The following RAMP1 variants were observed in gnomAD, a reference collection of about 807,000 sequenced individuals.
RAMP1 encodes the protein receptor activity-modifying protein 1.
Under a neutral mutation model 8.2 loss-of-function variants are expected in RAMP1, and 7 were observed. The ratio of observed to expected loss-of-function variants is 0.85; its 90% CI spans 0.49 to 1.60. The LOEUF is 1.60. Ranked by LOEUF, RAMP1 falls within the 40% of genes most tolerant of loss-of-function variation. The probability of loss-of-function intolerance (pLI) is 0.00; values close to 1 mark genes in which losing one functional copy is unlikely to be tolerated. For missense variants in RAMP1, 192 were observed against 202.4 expected (o/e 0.95, Z 0.31); for synonymous variants, 92 against 84.7 (o/e 1.09, Z -0.47).
At chr2:237,906,104 CATTT>C (rs1363748704) in intron 2 of RAMP1, among the ~76,000 whole-genome samples, 1 of 151,454 alleles carries the variant, frequency 6.6e-6, no homozygotes, top group Non-Finnish European at 1.5e-5. Flanking sequence ...ACACGTCTAA[CATTT>C]ACCATGGACC....
At chr2:237,882,155 C>T (rs1576543520) in intron 2 of RAMP1, among the ~76,000 whole-genome samples, 1 of 152,310 alleles carries the variant, frequency 6.6e-6, no homozygotes, top group African/African-American at 2.4e-5. Context: ...TCTCTGCTCC[C>T]CGTGACCTGA....
At chr2:237,893,661 G>A (rs762140057) in intron 2 of RAMP1, among the ~76,000 whole-genome samples, 2 of 152,250 alleles carry the variant, frequency 1.3e-5, no homozygotes, top group East Asian at 1.9e-4. Flanking sequence ...AGTTTCGGCC[G>A]GGTATGGTGG....
At chr2:237,864,939 C>A (rs2062171830) in intron 1 of RAMP1, among the ~76,000 whole-genome samples, 1 of 152,210 alleles carries the variant, frequency 6.6e-6, no homozygotes, top group African/African-American at 2.4e-5. Flanking sequence ...GGGAAGAGGG[C>A]TTTGAGCCGA....
In RAMP1 at chr2:237,862,128, G is replaced by GT. The variant is rs1376729644; in HGVS notation, c.52+2408dup. Among the ~76,000 whole-genome samples, 5 of 152,064 alleles carry GT rather than the reference G, an allele frequency of 3.3e-5. No individual in the cohort carries two copies. Among genetic ancestry groups the GT allele is most frequent in the South Asian group, 4.1e-4 (2 of 4,820 alleles). On this transcript the variant is annotated intron_variant, in intron 1 of 2. Transcript: ENST00000254661. The surrounding 1 kb of genome is among the most constrained non-coding windows in gnomAD (Gnocchi z 4.0). ...CTTGGCTGTCACGTGGGAGCCAGGG[G>GT]TTTTTTTAATGGCTGCAACATTAAT...
chr2:237,860,616 CTG>C (rs1428294503), intron 1 of RAMP1, among the ~76,000 whole-genome samples: 1 of 152,222 alleles, frequency 6.6e-6, no homozygotes, highest in Non-Finnish European at 1.5e-5. Context: ...TTAACGGAAA[CTG>C]TGAATAGGTT....
intron 2 of RAMP1, among the ~76,000 whole-genome samples, chr2:237,884,113 G>C (rs947226532): frequency 9.2e-5 from 14 of 152,072 alleles, no homozygotes; most frequent in African/African-American, 2.9e-4. Flanking sequence ...TGTCTGTTGT[G>C]AGCAAGGCTT....
At chr2:237,899,072 A>ATT (rs11431782) in intron 2 of RAMP1, among the ~76,000 whole-genome samples, 259 of 148,658 alleles carry the variant, frequency 1.7e-3, no homozygotes, top group Admixed American at 2.3e-3. Context: ...TGAGACAGTG[A>ATT]TTTTTTTTTT....
chr2:237,903,928 A>G (rs1254240690), intron 2 of RAMP1, among the ~76,000 whole-genome samples: 1 of 152,062 alleles, frequency 6.6e-6, no homozygotes, highest in African/African-American at 2.4e-5. Context: ...TTGTAGAGAC[A>G]AGGTCTCACT....
At chr2:237,883,851 AAAG>A (rs1211214845) in intron 2 of RAMP1, among the ~76,000 whole-genome samples, 3 of 150,276 alleles carry the variant, frequency 2.0e-5, no homozygotes, top group Non-Finnish European at 4.4e-5. Context: ...GAAAAAAAAA[AAAG>A]AGGCTCCTCC....
chr2:237,868,912 C>T (rs573186372), intron 1 of RAMP1, among the ~76,000 whole-genome samples: 40 of 152,286 alleles, frequency 2.6e-4, no homozygotes, highest in African/African-American at 9.1e-4. Flanking sequence ...GGGGGCAGAG[C>T]GGGAACCACA....
chr2:237,891,427 G>A (rs1002900861), intron 2 of RAMP1, among the ~76,000 whole-genome samples: 2 of 152,224 alleles, frequency 1.3e-5, no homozygotes, highest in African/African-American at 2.4e-5. Flanking sequence ...TGGGATTACA[G>A]GCGTGAGCCA....
intron 2 of RAMP1, among the ~76,000 whole-genome samples, chr2:237,911,068 A>G (rs1007564522): frequency 6.6e-6 from 1 of 152,128 alleles, no homozygotes; most frequent in Non-Finnish European, 1.5e-5. Context: ...ACACAGTCGC[A>G]CACAGAATAA....
At chr2:237,863,778 G>A (rs1285504851) in intron 1 of RAMP1, among the ~76,000 whole-genome samples, 3 of 151,710 alleles carry the variant, frequency 2.0e-5, no homozygotes, top group Non-Finnish European at 2.9e-5. Context: ...CAGCTCTCTC[G>A]GTGACTCCTC....
intron 2 of RAMP1, among the ~76,000 whole-genome samples, chr2:237,884,932 G>T (rs73092595): frequency 2.5e-3 from 383 of 152,344 alleles, no homozygotes; most frequent in African/African-American, 8.4e-3. Flanking sequence ...GAGTGGGGCT[G>T]CAGCCCAGCG....
chr2:237,872,418 C>T (rs2062255826), intron 1 of RAMP1, among the ~76,000 whole-genome samples: 1 of 152,174 alleles, frequency 6.6e-6, no homozygotes, highest in African/African-American at 2.4e-5. Flanking sequence ...CACGCGTGCC[C>T]AGTGAGAGCC....
chr2:237,892,195 T>C (rs886510837), intron 2 of RAMP1, among the ~76,000 whole-genome samples: 7 of 152,192 alleles, frequency 4.6e-5, no homozygotes, highest in African/African-American at 1.7e-4. Context: ...AATTTTTGTC[T>C]TAATTGTTTA....
chr2:237,893,299 T>C (rs1003657805), intron 2 of RAMP1, among the ~76,000 whole-genome samples: 1 of 152,248 alleles, frequency 6.6e-6, no homozygotes. Flanking sequence ...CTGGCGTGGT[T>C]GCTTGCAGTA....
chr2:237,883,382 A>G (rs1038408542), intron 2 of RAMP1, among the ~76,000 whole-genome samples: 1 of 152,190 alleles, frequency 6.6e-6, no homozygotes, highest in African/African-American at 2.4e-5. Context: ...ACACAGGAGT[A>G]AGTGGGGGCT....
At chr2:237,885,998 GGGCAGAGGAGGAGAGAAGGAGGT>G (rs1269396381) in intron 2 of RAMP1, among the ~76,000 whole-genome samples, 1 of 152,178 alleles carries the variant, frequency 6.6e-6, no homozygotes, top group East Asian at 1.9e-4. Context: ...GAGGAGAAGG[GGGCAGAGGAGGAGAGAAGGAGGT>G]GGCTGTGCCA....
Sources: gnomAD v4.1 joint callset for allele counts (sites outside exome capture counted in the v4.1 genomes callset) on GRCh38, gnomAD v4.1.1 for gene constraint, Gnocchi (gnomAD v3.1) non-coding constraint, MANE v1.5 for transcripts, NCBI Gene and HGNC (gene_info 2026-07-23, HGNC 2026-07-21) for gene names.